Variants in ZBTB20 observed in about 807,000 individuals in gnomAD.
ZBTB20 encodes zinc finger and BTB domain containing 20.
Under a neutral mutation model 56.9 loss-of-function variants are expected in ZBTB20, and 9 were observed. The ratio of observed to expected loss-of-function variants is 0.16; its 90% CI spans 0.10 to 0.28. The LOEUF is 0.28. Ranked by LOEUF, ZBTB20 falls within the 10% of genes least tolerant of loss-of-function variation. The pLI is 1.00. For missense variants in ZBTB20, 655 were observed against 1,003.0 expected (o/e 0.65, Z 4.69); for synonymous variants, 417 against 420.7 (o/e 0.99, Z 0.11).
At chr3:114,779,751 C>T (rs1464482150) in intron 5 of ZBTB20, among the ~76,000 whole-genome samples, 1 of 152,056 alleles carries the variant, frequency 6.6e-6, no homozygotes, top group East Asian at 1.9e-4. Context: ...GAGTCAAGAA[C>T]ATTTGGAAAG....
intron 4 of ZBTB20, among the ~76,000 whole-genome samples, chr3:114,809,749 C>T (rs2072379865): frequency 2.0e-5 from 3 of 152,080 alleles, no homozygotes; most frequent in Admixed American, 2.0e-4. Context: ...ATGAGTCACA[C>T]TCCTGTTTAT....
intron 6 of ZBTB20, among the ~76,000 whole-genome samples, chr3:114,546,670 G>T (rs1434741755): frequency 6.6e-6 from 1 of 151,772 alleles, no homozygotes; most frequent in African/African-American, 2.4e-5. Context: ...GTTGCACGTG[G>T]AGAATTCTGT....
chr3:114,442,466 AG>A (rs538469090), intron 7 of ZBTB20, among the ~76,000 whole-genome samples: 230 of 152,272 alleles, frequency 1.5e-3, no homozygotes, highest in Non-Finnish European at 2.3e-3. Context: ...GCCACCCACC[AG>A]GAACACCAGT....
At position 114,332,686 on chromosome 3, in the gene ZBTB20, A is replaced by G. The variant is rs1289618739; in HGVS notation, c.*6319T>C. On this transcript the variant is annotated 3_prime_UTR_variant, in exon 12 of 12. Coordinates refer to ENST00000675478, the MANE Select transcript of ZBTB20 (RefSeq NM_001348800.3). ...GAGCCTTCTCATTTCTATATCTTTT[A>G]TCCTCTTCCCAGGGCTTTCTGATTT... 2 of 152,202 alleles carry G rather than the reference A, an allele frequency of 1.3e-5. No homozygotes were observed. Among genetic ancestry groups the G allele is most frequent in the Admixed American group, 1.3e-4 (2 of 15,272 alleles). The allele number at this position is 152,202 out of a possible 1,614,324, so 9.4% of individuals were successfully genotyped here. A position where few individuals can be genotyped will look rare whatever the true frequency, so the allele number is the denominator to read the frequency against.
chr3:114,868,419 G>T (rs1389364155), intron 4 of ZBTB20, among the ~76,000 whole-genome samples: 2 of 152,068 alleles, frequency 1.3e-5, no homozygotes, highest in Admixed American at 6.5e-5. Flanking sequence ...GTAACTGGAG[G>T]TTCATGTAGC....
intron 7 of ZBTB20, among the ~76,000 whole-genome samples, chr3:114,423,440 T>C (rs1442184733): frequency 6.6e-6 from 1 of 152,222 alleles, no homozygotes; most frequent in African/African-American, 2.4e-5. Flanking sequence ...GTTTTATACC[T>C]TGGAATTCAA....
At chr3:114,716,839 T>C (rs2064514995) in intron 5 of ZBTB20, among the ~76,000 whole-genome samples, 1 of 152,020 alleles carries the variant, frequency 6.6e-6, no homozygotes, top group African/African-American at 2.4e-5. Flanking sequence ...AAAATATTTA[T>C]AGGGGTGGCC....
At chr3:115,000,154 A>T (rs1424289161) in intron 2 of ZBTB20, among the ~76,000 whole-genome samples, 3 of 151,634 alleles carry the variant, frequency 2.0e-5, no homozygotes, top group African/African-American at 7.3e-5. Context: ...GTTATCAAAT[A>T]GTTGCTCTAA....
At chr3:114,759,337 AT>A (rs2068269675) in intron 5 of ZBTB20, 3 of 152,144 alleles carry the variant, frequency 2.0e-5, no homozygotes, top group African/African-American at 7.2e-5. Context: ...GGGAATTCAG[AT>A]GCCGTTTATA....
At chr3:115,065,724 C>T (rs73228400) in intron 2 of ZBTB20, among the ~76,000 whole-genome samples, 11,554 of 152,118 alleles carry the variant, frequency 0.076, 1,349 homozygotes, top group East Asian at 0.59. Flanking sequence ...CCGATTCAAC[C>T]CTCTTATTTT....
intron 2 of ZBTB20, among the ~76,000 whole-genome samples, chr3:115,007,963 T>C (rs1370397542): frequency 6.6e-6 from 1 of 151,906 alleles, no homozygotes; most frequent in Admixed American, 6.6e-5. Flanking sequence ...TTGCAGGCTC[T>C]TCTGCTTCTT....
At chr3:114,657,912 A>G (rs1213736790) in intron 6 of ZBTB20, among the ~76,000 whole-genome samples, 2 of 152,122 alleles carry the variant, frequency 1.3e-5, no homozygotes, top group African/African-American at 4.8e-5. Context: ...TTACTCCTTT[A>G]TTACCAAAAT....
At chr3:114,701,576 C>T (rs1275292348) in intron 5 of ZBTB20, among the ~76,000 whole-genome samples, 1 of 151,986 alleles carries the variant, frequency 6.6e-6, no homozygotes, top group Non-Finnish European at 1.5e-5. Context: ...TAGCTGTGGC[C>T]CATGTTTTAT....
intron 7 of ZBTB20, among the ~76,000 whole-genome samples, chr3:114,456,206 T>TATA (rs752385225): frequency 4.8e-5 from 7 of 144,808 alleles, no homozygotes; most frequent in Non-Finnish European, 1.0e-4. Context: ...TGTATATATA[T>TATA]ATATATGGAG....
chr3:114,587,912 C>G (rs1489949667), intron 6 of ZBTB20, among the ~76,000 whole-genome samples: 2 of 152,176 alleles, frequency 1.3e-5, no homozygotes, highest in East Asian at 3.9e-4. Context: ...AGATGTCATT[C>G]CTTTCTCCAG....
chr3:114,601,297 C>T (rs772542160), intron 6 of ZBTB20, among the ~76,000 whole-genome samples: 1 of 152,026 alleles, frequency 6.6e-6, no homozygotes, highest in African/African-American at 2.4e-5. Context: ...CAGATTATCT[C>T]GCACATGGCA....
At chr3:114,460,271 A>T (rs1389004388) in intron 7 of ZBTB20, among the ~76,000 whole-genome samples, 1 of 152,164 alleles carries the variant, frequency 6.6e-6, no homozygotes, top group Non-Finnish European at 1.5e-5. Flanking sequence ...CTACAAAGGA[A>T]CTATAGTAGG....
At chr3:114,696,632 T>C (rs999649757) in intron 5 of ZBTB20, among the ~76,000 whole-genome samples, 1 of 152,028 alleles carries the variant, frequency 6.6e-6, no homozygotes, top group Non-Finnish European at 1.5e-5. Flanking sequence ...AAATGCCTGG[T>C]TCCCAGAGGA....
chr3:114,552,374 A>G (rs946367966), intron 6 of ZBTB20, among the ~76,000 whole-genome samples: 1 of 152,020 alleles, frequency 6.6e-6, no homozygotes, highest in African/African-American at 2.4e-5. Flanking sequence ...TCCCAAAAAG[A>G]TCACAAAATC....
Sources: gnomAD v4.1 joint callset for allele counts (sites outside exome capture counted in the v4.1 genomes callset) on GRCh38, gnomAD v4.1.1 for gene constraint, MANE v1.5 for transcripts, NCBI Gene and HGNC (gene_info 2026-07-23, HGNC 2026-07-21) for gene names.